Variants in ANKRD16 observed in about 807,000 individuals in gnomAD.
ANKRD16 encodes the protein ankyrin repeat domain 16.
A neutral mutation model predicts 37.9 loss-of-function variants in ANKRD16; 35 were observed. The ratio of observed to expected loss-of-function variants is 0.92; its 90% confidence interval spans 0.71 to 1.23. The LOEUF (loss-of-function observed/expected upper bound fraction) is 1.23. ANKRD16 is among the 50% of genes most tolerant of loss of function. The pLI is 0.00. For synonymous variants in ANKRD16, 206 were observed against 197.2 expected, an observed-to-expected ratio of 1.04 and a Z score of -0.37; for missense variants, 480 against 469.9, an observed-to-expected ratio of 1.02 and a Z score of -0.20.
Position 5,883,056 on chromosome 10 carries a change from C to A in ANKRD16, c.799G>T (p.Asp267Tyr). 6.2e-7 allele frequency: 1 copy of A among 1,614,118 alleles called. No homozygotes were observed. The highest frequency in any genetic ancestry group is 8.5e-7 in the Non-Finnish European group (1 of 1,180,050). ...AGGTGGGTTGATGTGGCTCTCACATCTACATCGACGCCAAGTTCAGAGACC... is the reference window on the plus strand; with the variant it reads ...AGGTGGGTTGATGTGGCTCTCACATATACATCGACGCCAAGTTCAGAGACC... The part of the protein sequence containing the change: ...FLVSELGVDV[D>Y]VRATSTHLTA... The change falls in exon 5 of 8, where the codon GAT becomes TAT. Residue 267 changes from aspartate (D) to tyrosine (Y), a missense_variant. Coordinates refer to ENST00000380094, the MANE Select transcript of ANKRD16 (RefSeq NM_019046.3).
intron 5 of ANKRD16, 31 bp from the exon 6 acceptor site, chr10:5,880,407 A>T (rs373493365): frequency 7.7e-5 from 112 of 1,456,882 alleles, no homozygotes; most frequent in Non-Finnish European, 1.0e-4. Flanking sequence ...TATCACTGTG[A>T]TGAGGATAAA....
In ANKRD16 at chr10:5,870,404, C is replaced by CT. The variant is rs771792284; in HGVS notation, c.*33+7692dup. Among the ~76,000 whole-genome samples, 1,754 of 136,942 alleles carry CT rather than the reference C, an allele frequency of 0.013. 29 individuals are homozygous for CT. The highest frequency in any genetic ancestry group is 0.036 in the African/African-American group (1,360 of 37,282). 89.8% of individuals were successfully genotyped at this position (136,942 alleles called of 152,430 possible). On this transcript the variant is annotated intron_variant, in intron 7 of 7. Transcript: ENST00000380094. This position sits in a 1 kb window ranked among gnomAD's most constrained non-coding sequence, Gnocchi z 5.0. ...GCCAGTCCTCATTCCCTCCCTACTG[C>CT]TTTTTTTTTTTTTTTTTGAAACAGG...
intron 5 of ANKRD16, 132 bp downstream of exon 5, chr10:5,882,874 C>T: frequency 1.0e-6 from 1 of 976,126 alleles, no homozygotes. Flanking sequence ...GAATCCTGAC[C>T]ATTTCAGAAG....
intron 7 of ANKRD16, among the ~76,000 whole-genome samples, chr10:5,867,057 G>A (rs1842025972): frequency 6.6e-6 from 1 of 152,220 alleles, no homozygotes; most frequent in East Asian, 1.9e-4. Context: ...TTAAAAGCCA[G>A]GGTAAATTTA....
At chr10:5,883,312 T>G (rs1842351636) in intron 4 of ANKRD16, 145 bp from the exon 5 acceptor site, 2 of 867,018 alleles carry the variant, frequency 2.3e-6, no homozygotes, top group Non-Finnish European at 3.4e-6. Context: ...TGTCTGATTT[T>G]CAAAGGATTC....
chr10:5,879,989 T>A (rs888630694), intron 6 of ANKRD16, among the ~76,000 whole-genome samples: 1 of 151,922 alleles, frequency 6.6e-6, no homozygotes, highest in African/African-American at 2.4e-5. Context: ...GGAAACCCCA[T>A]CTGTACTAAA....
At chr10:5,867,329 GAA>G (rs748010660) in intron 7 of ANKRD16, among the ~76,000 whole-genome samples, 44 of 152,124 alleles carry the variant, frequency 2.9e-4, no homozygotes, top group African/African-American at 9.6e-4. Flanking sequence ...GGAGATTAAG[GAA>G]AAAAGACACA....
In ANKRD16 at chr10:5,864,559, A is replaced by T. The variant is rs767390283; in HGVS notation, c.*34-1868T>A. ...AGAGATGTCATGCTATTGCTAGATC[A>T]CACCCTGGCCTTTAATGAAAAGAAT... On this transcript the variant is annotated intron_variant, in intron 7 of 7. Coordinates refer to ENST00000380094, the MANE Select transcript of ANKRD16 (RefSeq NM_019046.3). This position sits in a 1 kb window ranked among gnomAD's most constrained non-coding sequence, Gnocchi z 4.4. Among the ~76,000 whole-genome samples, 3 of 152,180 alleles carry T rather than the reference A, an allele frequency of 2.0e-5. No individual in the cohort carries two copies. Among genetic ancestry groups the T allele is most frequent in the Non-Finnish European group, 4.4e-5 (3 of 68,044 alleles).
chr10:5,882,253 A>G (rs1163275861), intron 5 of ANKRD16, among the ~76,000 whole-genome samples: 1 of 152,004 alleles, frequency 6.6e-6, no homozygotes, highest in Non-Finnish European at 1.5e-5. Context: ...TTGATCAGAA[A>G]AACAAGTAGG....
At chr10:5,872,668 T>C (rs571756686) in intron 7 of ANKRD16, among the ~76,000 whole-genome samples, 114 of 150,702 alleles carry the variant, frequency 7.6e-4, no homozygotes, top group Middle Eastern at 3.5e-3. Flanking sequence ...GCCATACTCC[T>C]GCCTCAGCCT....
intron 7 of ANKRD16, among the ~76,000 whole-genome samples, chr10:5,876,935 T>C (rs931107391): frequency 2.6e-5 from 4 of 152,206 alleles, no homozygotes. Context: ...TCATCCTATC[T>C]TTACTCCGTT....
rs1429430026 is a variant in ANKRD16, at chr10:5,870,805, G to A, written c.*33+7292C>T. Among the ~76,000 whole-genome samples, 1 of 152,188 alleles carries A rather than the reference G, an allele frequency of 6.6e-6. No individual in the cohort carries two copies. The highest frequency in any genetic ancestry group is 6.5e-5 in the Admixed American group (1 of 15,276). ...CCTGGTTCACCTGTGGTGAAGCCAG[G>A]AGAGGTGTCATGTTGGTTGAAATGC... On this transcript the variant is annotated intron_variant, in intron 7 of 7. Coordinates refer to ENST00000380094, the MANE Select transcript of ANKRD16 (RefSeq NM_019046.3). This position sits in a 1 kb window ranked among gnomAD's most constrained non-coding sequence, Gnocchi z 5.0.
chr10:5,879,783 AT>A (rs1270776048), intron 6 of ANKRD16, among the ~76,000 whole-genome samples: 1 of 70,792 alleles, frequency 1.4e-5, no homozygotes, highest in Non-Finnish European at 3.2e-5. Context: ...AGTGGCAGTC[AT>A]CATCACTGTT....
intron 3 of ANKRD16, among the ~76,000 whole-genome samples, chr10:5,884,318 G>A (rs1007673372): frequency 1.3e-5 from 2 of 152,136 alleles, no homozygotes; most frequent in African/African-American, 4.8e-5. Flanking sequence ...ACAGCACTTG[G>A]TCTCTTCAGC....
At chr10:5,885,645 A>C (rs1842410258) in intron 3 of ANKRD16, 78 bp downstream of exon 3, 1 of 1,497,612 alleles carries the variant, frequency 6.7e-7, no homozygotes, top group Non-Finnish European at 9.2e-7. Context: ...AATGTGTCTG[A>C]GCTCTTTATG....
intron 7 of ANKRD16, among the ~76,000 whole-genome samples, chr10:5,867,624 T>A (rs774500795): frequency 6.6e-6 from 1 of 152,212 alleles, no homozygotes; most frequent in Non-Finnish European, 1.5e-5. Flanking sequence ...TAACCTCTAA[T>A]CTTATGGAAA....
Position 5,870,675 on chromosome 10 carries a change from G to A in ANKRD16, c.*33+7422C>T, listed in dbSNP as rs1349863089. Among the ~76,000 whole-genome samples the A allele has an allele frequency of 6.6e-6, 1 of 152,090 alleles. No homozygotes were observed. The highest frequency in any genetic ancestry group is 1.5e-5 in the Non-Finnish European group (1 of 68,020). On this transcript the variant is annotated intron_variant, in intron 7 of 7. Coordinates refer to ENST00000380094, the MANE Select transcript of ANKRD16 (RefSeq NM_019046.3). This position sits in a 1 kb window ranked among gnomAD's most constrained non-coding sequence, Gnocchi z 5.0. ...TGTTGGGATTACAGGCGTGAGCCACGTGCCTGGCCATTGCTATTTTTAAAA... is the reference window on the plus strand; with the variant it reads ...TGTTGGGATTACAGGCGTGAGCCACATGCCTGGCCATTGCTATTTTTAAAA...
rs1253463557 is a variant in ANKRD16, at chr10:5,874,314, G to A, written c.*33+3783C>T. On this transcript the variant is annotated intron_variant, in intron 7 of 7. Coordinates refer to ENST00000380094, the MANE Select transcript of ANKRD16 (RefSeq NM_019046.3). The surrounding 1 kb of genome is among the most constrained non-coding windows in gnomAD (Gnocchi z 4.7). ...AAGGCAATCAGAAATCCTGGCAAGT[G>A]TAGTACGTGCTCTGGGAGGCAGGTT... Among the ~76,000 whole-genome samples, 1 of 152,248 alleles carries A rather than the reference G, an allele frequency of 6.6e-6. No individual in the cohort carries two copies. Among genetic ancestry groups the A allele is most frequent in the Non-Finnish European group, 1.5e-5 (1 of 68,048 alleles).
chr10:5,880,158 C>G (rs1312261997), intron 6 of ANKRD16, 140 bp downstream of exon 6: 2 of 424,014 alleles, frequency 4.7e-6, no homozygotes, highest in African/African-American at 2.8e-5. Flanking sequence ...AAACTCTTGT[C>G]TCAACACCAC....
Sources: allele counts gnomAD v4.1 joint callset (sites outside exome capture counted in the v4.1 genomes callset), GRCh38; gene constraint gnomAD v4.1.1; non-coding constraint Gnocchi (gnomAD v3.1); transcripts MANE v1.5; gene names NCBI Gene and HGNC (gene_info 2026-07-23, HGNC 2026-07-21).